TTLL7: variants seen among roughly 807,000 people sequenced by gnomAD.
TTLL7 encodes tubulin polyglutamylase TTLL7.
TTLL7 carries 53 observed loss-of-function variants against 120.2 expected under a neutral mutation model. The ratio of observed to expected loss-of-function variants is 0.44; its 90% CI spans 0.35 to 0.55. The LOEUF (loss-of-function observed/expected upper bound fraction) is 0.55, where lower values mean the gene tolerates loss of function less well. Among genes scored for constraint, TTLL7 ranks in the 20% least tolerant of loss-of-function variants. The probability of loss-of-function intolerance (pLI) is 0.00; values close to 1 mark genes in which losing one functional copy is unlikely to be tolerated. For synonymous variants in TTLL7, 353 were observed against 351.7 expected (o/e 1.00, Z -0.04); for missense variants, 803 against 1,054.7 (o/e 0.76, Z 3.31).
intron 20 of TTLL7, 83 bp from the exon 21 acceptor site, chr1:83,870,165 G>A (rs1446828431): frequency 4.8e-5 from 62 of 1,284,192 alleles, no homozygotes; most frequent in South Asian, 1.2e-4. Context: ...AGCAATTTAC[G>A]TAGTCTATAT....
chr1:83,933,458 G>C, intron 9 of TTLL7, 150 bp downstream of exon 9: 1 of 791,634 alleles, frequency 1.3e-6, no homozygotes, highest in East Asian at 2.6e-5. Context: ...TCTAGTCCCT[G>C]AATTTTTATC....
At chr1:83,979,987 G>A (rs1215583942) in intron 1 of TTLL7, 3 of 152,154 alleles carry the variant, frequency 2.0e-5, no homozygotes, top group Admixed American at 1.3e-4. Flanking sequence ...GACCACTAAG[G>A]TATCAAGCCA....
chr1:83,952,133 TA>T, intron 2 of TTLL7, 53 bp downstream of exon 2: 2 of 1,548,412 alleles, frequency 1.3e-6, no homozygotes, highest in Non-Finnish European at 1.8e-6. Context: ...ATATTAACAG[TA>T]ATGATGTATA....
chr1:83,998,809 C>T (rs1557839478), intron 1 of TTLL7, 122 bp downstream of exon 1: 2 of 300,600 alleles, frequency 6.7e-6, no homozygotes. Flanking sequence ...CCAGCGGGGA[C>T]GGTGTCCCCA....
intron 1 of TTLL7, among the ~76,000 whole-genome samples, chr1:83,978,740 G>A (rs1651710416): frequency 6.6e-6 from 1 of 152,124 alleles, no homozygotes; most frequent in Non-Finnish European, 1.5e-5. Flanking sequence ...GAGAATGATA[G>A]CAGAGCATAT....
rs765856922 is a variant in TTLL7, at chr1:83,922,659, T to TTCA, written c.1143-1266_1143-1265insTGA. Among the ~76,000 whole-genome samples, 19 of 151,826 alleles carry TTCA rather than the reference T, an allele frequency of 1.3e-4. 1 individual carries two copies. The highest frequency in any genetic ancestry group is 6.9e-3 in the Middle Eastern group (2 of 290). On this transcript the variant is annotated intron_variant, in intron 10 of 20. Transcript: ENST00000260505. ...CAGGATTACTGGAGCTCTGGGTGAA[T>TTCA]GCAAGAAACTCAGCTTCTCACATGG...
At chr1:83,944,082 T>C (rs1648242085) in intron 6 of TTLL7, among the ~76,000 whole-genome samples, 1 of 151,794 alleles carries the variant, frequency 6.6e-6, no homozygotes, top group Non-Finnish European at 1.5e-5. Flanking sequence ...AACTTGAGGA[T>C]AAGCCAACTG....
chr1:83,943,044 G>A (rs758954950), intron 6 of TTLL7, among the ~76,000 whole-genome samples: 7 of 152,252 alleles, frequency 4.6e-5, no homozygotes, highest in Middle Eastern at 6.8e-3. Context: ...CTATTCTTAC[G>A]GTTAGTTGTT....
chr1:83,901,387 T>C (rs1656711443), intron 18 of TTLL7, among the ~76,000 whole-genome samples: 1 of 152,042 alleles, frequency 6.6e-6, no homozygotes, highest in African/African-American at 2.4e-5. Context: ...AAATAGATAA[T>C]TGCTTCAGTA....
At chr1:83,923,291 AAAAAG>A (rs1211039377) in intron 10 of TTLL7, among the ~76,000 whole-genome samples, 3 of 152,046 alleles carry the variant, frequency 2.0e-5, no homozygotes, top group African/African-American at 4.8e-5. Context: ...AGTTTAAAAG[AAAAAG>A]AAGACAGGAA....
intron 1 of TTLL7, among the ~76,000 whole-genome samples, chr1:83,997,482 A>T (rs562036943): frequency 6.6e-6 from 1 of 152,320 alleles, no homozygotes; most frequent in African/African-American, 2.4e-5. Flanking sequence ...TTCCCACTAT[A>T]TAAGAACTAC....
At chr1:83,937,830 T>C (rs1335142684) in intron 8 of TTLL7, 22 bp downstream of exon 8, 1 of 1,612,450 alleles carries the variant, frequency 6.2e-7, no homozygotes, top group Non-Finnish European at 8.5e-7. Flanking sequence ...ACTGTTATAA[T>C]TGTGGAATGG....
chr1:83,975,729 T>G (rs1651406168), intron 1 of TTLL7, among the ~76,000 whole-genome samples: 1 of 152,128 alleles, frequency 6.6e-6, no homozygotes, highest in African/African-American at 2.4e-5. Flanking sequence ...AGCCAATTAG[T>G]TACTTTGCAA....
chr1:83,931,130 T>C (rs201923273), intron 9 of TTLL7, among the ~76,000 whole-genome samples: 1 of 152,088 alleles, frequency 6.6e-6, no homozygotes, highest in East Asian at 1.9e-4. Flanking sequence ...AATGAGATGA[T>C]TTATTTGGTT....
At chr1:83,897,865 TAAAAA>T (rs58157608) in intron 18 of TTLL7, among the ~76,000 whole-genome samples, 5 of 127,370 alleles carry the variant, frequency 3.9e-5, no homozygotes, top group Non-Finnish European at 6.5e-5. Flanking sequence ...TGTTTTCCAT[TAAAAA>T]AAAAAAAAAA....
At chr1:83,980,475 G>A (rs745503313) in intron 1 of TTLL7, 2 of 152,112 alleles carry the variant, frequency 1.3e-5, no homozygotes, top group Non-Finnish European at 2.9e-5. Flanking sequence ...TGCCATCTTG[G>A]CCAGGCTTTT....
At chr1:83,990,716 G>A (rs1652919272) in intron 1 of TTLL7, among the ~76,000 whole-genome samples, 1 of 152,182 alleles carries the variant, frequency 6.6e-6, no homozygotes, top group African/African-American at 2.4e-5. Context: ...GCAAGGTTGA[G>A]GAGAAATTGT....
At chr1:83,892,920 A>AAAAAAG (rs1411665746) in intron 18 of TTLL7, among the ~76,000 whole-genome samples, 4 of 111,586 alleles carry the variant, frequency 3.6e-5, no homozygotes, top group Non-Finnish European at 7.6e-5. Context: ...AGAAAAAAGA[A>AAAAAAG]AGAAAAAGAG....
At position 83,880,750 on chromosome 1, in the gene TTLL7, T is replaced by G. The variant is rs556603762; in HGVS notation, c.2543+2213A>C. ...GAATTGGAAAAAACTACTTTAAAGT[T>G]CATATGGAACCAAAAAGAGCCCGCA... On this transcript the variant is annotated intron_variant, in intron 20 of 20. Transcript: ENST00000260505. Among the ~76,000 whole-genome samples the G allele has an allele frequency of 3.0e-4, 45 of 152,204 alleles. 1 individual carries two copies. Among genetic ancestry groups the G allele is most frequent in the Non-Finnish European group, 5.7e-4 (39 of 68,006 alleles).
Sources: gnomAD v4.1 joint callset for allele counts (sites outside exome capture counted in the v4.1 genomes callset) on GRCh38, gnomAD v4.1.1 for gene constraint, MANE v1.5 for transcripts, NCBI Gene and HGNC (gene_info 2026-07-23, HGNC 2026-07-21) for gene names.